Variants in RNF114 observed in about 807,000 individuals in gnomAD.
The protein encoded by RNF114 is ring finger protein 114.
RNF114 carries 6 observed loss-of-function variants against 28.4 expected under a neutral mutation model. The ratio of observed to expected loss-of-function variants is 0.21; its 90% CI spans 0.12 to 0.42. The LOEUF is 0.42. RNF114 is among the 10% of genes least tolerant of loss of function. The pLI is 1.00. For synonymous variants in RNF114, 115 were observed against 116.7 expected (o/e 0.99, Z 0.09); for missense variants, 249 against 311.7 (o/e 0.80, Z 1.51).
chr20:49,947,769 G>GTTTTTTTTTTTT lies in RNF114; in HGVS notation c.514-1450_514-1439dup, dbSNP rs71190519. 1.0e-3 allele frequency among the ~76,000 whole-genome samples: 52 copies of GTTTTTTTTTTTT among 50,474 alleles called. 11 individuals carry two copies. The highest frequency in any genetic ancestry group is 1.9e-3 in the South Asian group (2 of 1,070). 33.1% of individuals were successfully genotyped at this position (50,474 alleles called of 152,430 possible). On this transcript the variant is annotated intron_variant, in intron 4 of 5. Transcript: ENST00000244061. ...GTTCTGTCTTCCTCTCCCTCTGCAA[G>GTTTTTTTTTTTT]TTTTTTTTTTTTTTTTTTTTTTTTT...
At chr20:49,945,083 C>A in intron 2 of RNF114, 1 of 243,920 alleles carries the variant, frequency 4.1e-6, no homozygotes, top group Non-Finnish European at 8.1e-6. Context: ...TTAAAAACAT[C>A]CTAGATTTGG....
Position 49,953,842 on chromosome 20 carries a change from C to A in RNF114, c.*1701C>A, listed in dbSNP as rs1280123122. On this transcript the variant is annotated 3_prime_UTR_variant, in exon 6 of 6. Coordinates refer to ENST00000244061, the MANE Select transcript of RNF114 (RefSeq NM_018683.4). Reference sequence around the variant, plus strand: ...GAAAGTGAGATTTGTTATGTTCTGGCTTTTAAAAGGTAAAATATAAATAAA... The same window carrying A: ...GAAAGTGAGATTTGTTATGTTCTGGATTTTAAAAGGTAAAATATAAATAAA... 1 of 152,048 alleles carries A rather than the reference C, an allele frequency of 6.6e-6. No individual in the cohort carries two copies. The highest frequency in any genetic ancestry group is 2.4e-5 in the African/African-American group (1 of 41,398). 9.4% of individuals were successfully genotyped at this position (152,048 alleles called of 1,614,324 possible).
intron 5 of RNF114, among the ~76,000 whole-genome samples, chr20:49,950,494 A>G (rs542996912): frequency 6.6e-6 from 1 of 152,142 alleles, no homozygotes; most frequent in Non-Finnish European, 1.5e-5. Context: ...CAGCCTGGGC[A>G]ACATGGGAAA....
chr20:49,947,036 A>G (rs759024009), intron 4 of RNF114, among the ~76,000 whole-genome samples: 1 of 152,078 alleles, frequency 6.6e-6, no homozygotes, highest in Non-Finnish European at 1.5e-5. Context: ...CCTGGCTAAC[A>G]TGGTGAAACC....
At chr20:49,943,102 T>C (rs747085067) in intron 2 of RNF114, among the ~76,000 whole-genome samples, 3 of 152,196 alleles carry the variant, frequency 2.0e-5, no homozygotes, top group Non-Finnish European at 2.9e-5. Flanking sequence ...ATAGTAAGAA[T>C]ATACCTTACC....
At position 49,952,062 on chromosome 20, in the gene RNF114, C is replaced by T. The variant is rs1161477921; in HGVS notation, c.622-14C>T. 1.2e-6 allele frequency: 2 copies of T among 1,610,628 alleles called. No individual in the cohort carries two copies. Among genetic ancestry groups the T allele is most frequent in the Admixed American group, 1.7e-5 (1 of 59,934 alleles). On this transcript the variant is annotated splice_polypyrimidine_tract_variant and intron_variant, in intron 5 of 5. Coordinates refer to ENST00000244061, the MANE Select transcript of RNF114 (RefSeq NM_018683.4). ...AAACAGTTGCTGAGGCTGCATGTCT[C>T]TTTTTGCCCTTAGGATTATGATGTT...
intron 2 of RNF114, among the ~76,000 whole-genome samples, chr20:49,942,541 G>GGCCTGGCAAGGTGGTTCAT (rs1339548909): frequency 2.0e-5 from 3 of 152,150 alleles, no homozygotes; most frequent in African/African-American, 7.2e-5. Context: ...TTCAACTTAA[G>GGCCTGGCAAGGTGGTTCAT]GCCTGGCAAG....
At chr20:49,946,418 T>G (rs964954303) in intron 4 of RNF114, among the ~76,000 whole-genome samples, 168 bp downstream of exon 4, 3 of 152,216 alleles carry the variant, frequency 2.0e-5, no homozygotes, top group Admixed American at 6.5e-5. Context: ...ACACATTTTT[T>G]GCTGACCACT....
intron 2 of RNF114, among the ~76,000 whole-genome samples, chr20:49,943,018 GTTTT>G (rs59596842): frequency 6.7e-6 from 1 of 149,142 alleles, no homozygotes; most frequent in East Asian, 2.0e-4. Context: ...CACTTTTCAG[GTTTT>G]TTTTCTCTTA....
In RNF114 at chr20:49,936,436, C is replaced by A; in HGVS notation, c.24C>A (p.Cys8Ter). The change falls in exon 1 of 6, where the codon TGC becomes TGA. Residue 8 changes from cysteine (C) to a stop codon, truncating the protein, a stop_gained. Transcript: ENST00000244061. LOFTEE classifies it high-confidence loss of function. ...AGATGGCGGCGCAACAGCGGGACTG[C>A]GGGGGTGCTGCGCAGCTGGCGGGGC... MAAQQRD[C>*]GGAAQLAGPA... is the part of the protein sequence containing the mutation. 6.5e-7 allele frequency: 1 copy of A among 1,538,372 alleles called. No homozygotes were observed. Among genetic ancestry groups the A allele is most frequent in the East Asian group, 2.6e-5 (1 of 38,492 alleles).
At chr20:49,947,778 T>TG (rs2090339152) in intron 4 of RNF114, among the ~76,000 whole-genome samples, 461 of 23,318 alleles carry the variant, frequency 0.02, 13 homozygotes, top group African/African-American at 0.084. Context: ...AGTTTTTTTT[T>TG]TTTTTTTTTT....
intron 5 of RNF114, among the ~76,000 whole-genome samples, chr20:49,950,206 G>A (rs561555320): frequency 5.3e-5 from 8 of 151,862 alleles, no homozygotes; most frequent in East Asian, 2.0e-4. Flanking sequence ...AGCCAATATC[G>A]TGCCACTGCA....
intron 2 of RNF114, among the ~76,000 whole-genome samples, chr20:49,943,060 T>C (rs1044942292): frequency 6.6e-6 from 1 of 152,140 alleles, no homozygotes; most frequent in Non-Finnish European, 1.5e-5. Flanking sequence ...CATGTCAGTT[T>C]CATTATTTTT....
intron 1 of RNF114, among the ~76,000 whole-genome samples, chr20:49,938,955 C>T (rs2090297267): frequency 6.6e-6 from 1 of 152,236 alleles, no homozygotes. Flanking sequence ...CCCTGCCTGT[C>T]TCTACTGCCT....
At chr20:49,948,967 G>A (rs2146859501) in intron 4 of RNF114, among the ~76,000 whole-genome samples, 1 of 152,322 alleles carries the variant, frequency 6.6e-6, no homozygotes, top group East Asian at 1.9e-4. Context: ...TGGAAGGCCA[G>A]TCTAGGCCCC....
Position 49,953,362 on chromosome 20 carries a change from C to A in RNF114, c.*1221C>A, listed in dbSNP as rs2090363232. 1.3e-5 allele frequency: 2 copies of A among 152,074 alleles called. No individual in the cohort carries two copies. The highest frequency in any genetic ancestry group is 1.3e-4 in the Admixed American group (2 of 15,252). 9.4% of individuals were successfully genotyped at this position (152,074 alleles called of 1,614,324 possible). On this transcript the variant is annotated 3_prime_UTR_variant, in exon 6 of 6. Transcript: ENST00000244061. Reference sequence around the variant, plus strand: ...TCACAAATATTAATAAATATAAGTCCAAGAGCTGTCAGCCTAATCTGTAGG... The same window carrying A: ...TCACAAATATTAATAAATATAAGTCAAAGAGCTGTCAGCCTAATCTGTAGG...
At chr20:49,946,506 TAAGAAC>T (rs2090332185) in intron 4 of RNF114, among the ~76,000 whole-genome samples, 1 of 152,238 alleles carries the variant, frequency 6.6e-6, no homozygotes, top group Non-Finnish European at 1.5e-5. Flanking sequence ...GTGTATGTCT[TAAGAAC>T]AAGAATGTTT....
intron 4 of RNF114, among the ~76,000 whole-genome samples, chr20:49,947,792 T>TTGTTTTTTTTTTTTG (rs2090339483): frequency 9.5e-6 from 1 of 104,838 alleles, no homozygotes; most frequent in African/African-American, 3.7e-5. Flanking sequence ...TTTTTTTTTT[T>TTGTTTTTTTTTTTTG]TTTTTTTTTT....
At chr20:49,947,625 T>C (rs1242010649) in intron 4 of RNF114, among the ~76,000 whole-genome samples, 7 of 152,124 alleles carry the variant, frequency 4.6e-5, no homozygotes, top group Non-Finnish European at 1.0e-4. Context: ...GATACTGTTA[T>C]TGCTGAACTT....
Sources: allele counts gnomAD v4.1 joint callset (sites outside exome capture counted in the v4.1 genomes callset), GRCh38; gene constraint gnomAD v4.1.1; transcripts MANE v1.5; gene names NCBI Gene and HGNC (gene_info 2026-07-23, HGNC 2026-07-21).